The following VWC2L variants were observed in gnomAD, a reference collection of about 807,000 sequenced individuals.
VWC2L encodes the protein von Willebrand factor C domain-containing protein 2-like.
A neutral mutation model predicts 21.6 loss-of-function variants in VWC2L; 10 were observed. That is an observed-to-expected ratio of 0.46 (90% confidence interval 0.29 to 0.78). The LOEUF (loss-of-function observed/expected upper bound fraction) is 0.78, where lower values mean the gene tolerates loss of function less well. Ranked by LOEUF, VWC2L falls within the 30% of genes least tolerant of loss-of-function variation. The pLI is 0.10. For synonymous variants in VWC2L, 96 were observed against 94.3 expected (o/e 1.02, Z -0.10); for missense variants, 209 against 277.1 (o/e 0.75, Z 1.74).
chr2:214,541,887 T>C (rs558689143), intron 3 of VWC2L, among the ~76,000 whole-genome samples: 9 of 149,842 alleles, frequency 6.0e-5, no homozygotes, highest in African/African-American at 2.0e-4. Flanking sequence ...ATTAGAGTTC[T>C]GGGGAAGAGT....
chr2:214,470,705 C>G (rs1242980635), intron 3 of VWC2L, among the ~76,000 whole-genome samples: 1 of 151,580 alleles, frequency 6.6e-6, no homozygotes, highest in Non-Finnish European at 1.5e-5. Context: ...GGCCAGGAGT[C>G]CGAGACCTGC....
rs1559310574 is a variant in VWC2L at position 214,503,171 on chromosome 2, CTCT to C, written c.520+66416_520+66418del. Among the ~76,000 whole-genome samples the C allele has an allele frequency of 4.6e-5, 7 of 152,252 alleles. No individual in the cohort carries two copies. In the South Asian group the frequency reaches 1.5e-3, roughly 32 times the overall value. Reference sequence around the variant, plus strand: ...CTCCAGCAAGAGTTTTGACCTAGATCTCTTCATGATATGTTAGGGAAAGAAAAC... The same window carrying C: ...CTCCAGCAAGAGTTTTGACCTAGATCTCATGATATGTTAGGGAAAGAAAAC... On this transcript the variant is annotated intron_variant, in intron 3 of 3. Coordinates refer to ENST00000312504, the MANE Select transcript of VWC2L (RefSeq NM_001080500.4).
intron 3 of VWC2L, among the ~76,000 whole-genome samples, chr2:214,442,072 C>T (rs557289054): frequency 3.3e-5 from 5 of 151,986 alleles, no homozygotes; most frequent in East Asian, 3.9e-4. Context: ...CCACCACACC[C>T]GGCTAATTTT....
At chr2:214,570,010 A>G (rs1489204338) in intron 3 of VWC2L, among the ~76,000 whole-genome samples, 1 of 152,070 alleles carries the variant, frequency 6.6e-6, no homozygotes, top group African/African-American at 2.4e-5. Context: ...TCTTAATACC[A>G]CAAATATGAC....
intron 3 of VWC2L, among the ~76,000 whole-genome samples, chr2:214,443,580 A>T (rs891757999): frequency 1.3e-5 from 2 of 152,206 alleles, no homozygotes; most frequent in African/African-American, 4.8e-5. Flanking sequence ...TTGAGGAGAA[A>T]GAGCATGTTA....
rs147342991 is a variant in VWC2L at position 214,556,394 on chromosome 2, C to A, written c.521-19278C>A. On this transcript the variant is annotated intron_variant, in intron 3 of 3. Transcript: ENST00000312504. ...ACACAAACAGTTGGCAAATTTACAG[C>A]CTTAAAACAAAATTGTCTTAACTTG... Among the ~76,000 whole-genome samples the A allele has an allele frequency of 7.2e-5, 11 of 152,276 alleles. No individual in the cohort carries two copies. The East Asian group carries it at 2.1e-3, about 29-fold the overall frequency.
chr2:214,502,173 G>A (rs1688902203), intron 3 of VWC2L, among the ~76,000 whole-genome samples: 1 of 152,120 alleles, frequency 6.6e-6, no homozygotes, highest in Non-Finnish European at 1.5e-5. Flanking sequence ...CAGCTTCAAT[G>A]AGTATTACCA....
chr2:214,553,598 G>A (rs2105926151), intron 3 of VWC2L, among the ~76,000 whole-genome samples: 1 of 152,280 alleles, frequency 6.6e-6, no homozygotes, highest in Admixed American at 6.5e-5. Flanking sequence ...GCTTCAGAGA[G>A]AATAGATTGT....
At chr2:214,430,845 CT>C (rs960039602) in intron 2 of VWC2L, among the ~76,000 whole-genome samples, 1 of 152,074 alleles carries the variant, frequency 6.6e-6, no homozygotes, top group African/African-American at 2.4e-5. Context: ...TGTGCATCTG[CT>C]TTTTTTTATT....
At chr2:214,426,237 TG>T (rs1033738944) in intron 2 of VWC2L, among the ~76,000 whole-genome samples, 2 of 129,204 alleles carry the variant, frequency 1.5e-5, no homozygotes, top group African/African-American at 5.8e-5. Context: ...ATGCTAAGAG[TG>T]GGGGTTGCAA....
At chr2:214,522,069 C>G (rs1689249337) in intron 3 of VWC2L, among the ~76,000 whole-genome samples, 1 of 152,116 alleles carries the variant, frequency 6.6e-6, no homozygotes, top group African/African-American at 2.4e-5. Flanking sequence ...AATGTTTAAT[C>G]CTAGTCTTTT....
At chr2:214,484,486 C>T (rs905841530) in intron 3 of VWC2L, among the ~76,000 whole-genome samples, 1 of 152,120 alleles carries the variant, frequency 6.6e-6, no homozygotes, top group African/African-American at 2.4e-5. Flanking sequence ...TATTCAGTTT[C>T]AGCTCTCCCA....
chr2:214,521,234 GATAAATAAATAAATAAATAA>G (rs72394017), intron 3 of VWC2L, among the ~76,000 whole-genome samples: 18 of 140,526 alleles, frequency 1.3e-4, no homozygotes, highest in African/African-American at 3.2e-4. Context: ...CCATCTCAAA[GATAAATAAATAAATAAATAA>G]ATAAATAAAT....
At chr2:214,425,264 GT>G (rs2126173832) in intron 2 of VWC2L, among the ~76,000 whole-genome samples, 1 of 152,330 alleles carries the variant, frequency 6.6e-6, no homozygotes, top group African/African-American at 2.4e-5. Context: ...GGTTACAGCC[GT>G]TTGGGTACTG....
intron 3 of VWC2L, among the ~76,000 whole-genome samples, chr2:214,523,576 T>C (rs10804229): frequency 0.55 from 83,619 of 152,134 alleles, 23,331 homozygotes; most frequent in East Asian, 0.74. Context: ...TGGTGGCTCA[T>C]GCCTGTAATC....
intron 3 of VWC2L, among the ~76,000 whole-genome samples, chr2:214,505,280 T>C (rs552040426): frequency 1.3e-5 from 2 of 152,294 alleles, no homozygotes; most frequent in Admixed American, 1.3e-4. Flanking sequence ...TGATTTCTAC[T>C]TGGGTTTACT....
intron 3 of VWC2L, among the ~76,000 whole-genome samples, chr2:214,443,753 T>A (rs879862445): frequency 6.6e-6 from 1 of 152,088 alleles, no homozygotes; most frequent in Non-Finnish European, 1.5e-5. Context: ...AAATTCCCGA[T>A]AAAGTCAGGA....
At chr2:214,492,321 AG>A (rs747566186) in intron 3 of VWC2L, among the ~76,000 whole-genome samples, 2 of 152,210 alleles carry the variant, frequency 1.3e-5, no homozygotes, top group Non-Finnish European at 2.9e-5. Context: ...TGTGTGACAA[AG>A]GGGAACAGCT....
chr2:214,528,543 G>A (rs1341724863), intron 3 of VWC2L, among the ~76,000 whole-genome samples: 1 of 151,712 alleles, frequency 6.6e-6, no homozygotes, highest in Non-Finnish European at 1.5e-5. Flanking sequence ...TTCTTAATAT[G>A]CCATTGTTTC....
Sources: allele counts gnomAD v4.1 joint callset (sites outside exome capture counted in the v4.1 genomes callset), GRCh38; gene constraint gnomAD v4.1.1; transcripts MANE v1.5; gene names NCBI Gene and HGNC (gene_info 2026-07-23, HGNC 2026-07-21).